RPS19BP1: variants seen among roughly 807,000 people sequenced by gnomAD.
RPS19BP1 encodes the protein active regulator of SIRT1.
A neutral mutation model predicts 16.6 loss-of-function variants in RPS19BP1; 14 were observed. The observed-to-expected ratio is 0.84, with a 90% CI of 0.56 to 1.32. The LOEUF is 1.32. Among genes scored for constraint, RPS19BP1 ranks in the 40% most tolerant of loss-of-function variants. The pLI is 0.00. For missense variants in RPS19BP1, 188 were observed against 178.6 expected (o/e 1.05, Z -0.30); for synonymous variants, 90 against 77.3 (o/e 1.16, Z -0.86).
intron 2 of RPS19BP1, chr22:39,532,057 T>G (rs1931324318): frequency 3.3e-6 from 1 of 306,446 alleles, no homozygotes; most frequent in Non-Finnish European, 6.2e-6. Context: ...CCTTCAGCTC[T>G]CGGCTGAAAT....
intron 2 of RPS19BP1, chr22:39,531,265 C>T (rs1265280316): frequency 6.6e-6 from 1 of 152,256 alleles, no homozygotes; most frequent in Non-Finnish European, 1.5e-5. Flanking sequence ...CTCCACACTC[C>T]TGCTTCATGG....
intron 1 of RPS19BP1, 57 bp downstream of exon 1, chr22:39,532,630 C>T (rs1931348063): frequency 1.3e-6 from 2 of 1,592,646 alleles, no homozygotes; most frequent in African/African-American, 2.7e-5. Flanking sequence ...GGCTCCCGCC[C>T]GCAGCCACTA....
Position 39,532,700 on chromosome 22 carries a change from C to T in RPS19BP1, c.39G>A (p.Leu13=). ...AALLRRGLEL[L]AASEAPRDPP... ...AGCCCTCCTCACCCTCGGACGCCGCCAGCAGCTCCAGGCCCCGCCGCAGCA... is the reference window on the plus strand; with the variant it reads ...AGCCCTCCTCACCCTCGGACGCCGCTAGCAGCTCCAGGCCCCGCCGCAGCA... The change falls in exon 1 of 4, where the codon CTG becomes CTA. Residue 13 remains leucine, a synonymous_variant. Coordinates refer to ENST00000334678, the MANE Select transcript of RPS19BP1 (RefSeq NM_194326.4). 1.3e-6 allele frequency: 2 copies of T among 1,543,916 alleles called. No individual in the cohort carries two copies. The highest frequency in any genetic ancestry group is 1.7e-6 in the Non-Finnish European group (2 of 1,147,582).
At chr22:39,529,776 G>A (rs1202007758) in intron 3 of RPS19BP1, 44 bp downstream of exon 3, 22 of 1,602,654 alleles carry the variant, frequency 1.4e-5, no homozygotes, top group Non-Finnish European at 1.9e-5. Flanking sequence ...GAACAGCCTC[G>A]GCTCTCACCT....
Position 39,529,603 on chromosome 22 carries a change from G to A in RPS19BP1, c.300C>T (p.Gly100=), listed in dbSNP as rs750004080. 3.1e-6 allele frequency: 5 copies of A among 1,613,994 alleles called. No individual in the cohort carries two copies. The highest frequency in any genetic ancestry group is 4.2e-6 in the Non-Finnish European group (5 of 1,180,014). Residue 100 remains glycine, a synonymous_variant, in exon 4 of 4, where the codon GGC becomes GGT. Coordinates refer to ENST00000334678, the MANE Select transcript of RPS19BP1 (RefSeq NM_194326.4). ...CCACAGGCCGGTCACAGGCCTTGCG[G>A]CCCCGGTTCTGGCGCAAAATCTGGC... is the stretch of plus-strand genomic sequence containing the variant. ...VSQQILRQNR[G]RKACDRPVAK... is the part of the protein sequence containing the mutation.
At position 39,529,248 on chromosome 22, in the gene RPS19BP1, G is replaced by C. The variant is rs967975949; in HGVS notation, c.*244C>G. 1.1e-5 allele frequency: 6 copies of C among 556,172 alleles called. No individual in the cohort carries two copies. In the Admixed American group the frequency reaches 1.6e-4, roughly 15 times the overall value. 34.5% of individuals were successfully genotyped at this position (556,172 alleles called of 1,614,324 possible). Reference sequence around the variant, plus strand: ...AAACAAAACAGATACGTTCCTTTCCGGCAGGTGCAGATGCTCTGCCCAGGC... The same window carrying C: ...AAACAAAACAGATACGTTCCTTTCCCGCAGGTGCAGATGCTCTGCCCAGGC... On this transcript the variant is annotated 3_prime_UTR_variant, in exon 4 of 4. Coordinates refer to ENST00000334678, the MANE Select transcript of RPS19BP1 (RefSeq NM_194326.4).
In RPS19BP1 at chr22:39,529,501, G is replaced by A; in HGVS notation, c.402C>T (p.Phe134=). The change falls in exon 4 of 4, where the codon TTC becomes TTT. Residue 134 remains phenylalanine, a synonymous_variant. Transcript: ENST00000334678. The stretch of plus-strand genomic sequence containing the variant: ...GTGCCCTCCAGGGAGCCTAGCTGCC[G>A]AAGTATTCCTGCTGGAACTTCTGGA... ...EDFQKFQQEY[F]GS is the part of the protein sequence containing the mutation. The A allele has an allele frequency of 6.2e-7, 1 of 1,614,192 alleles. No homozygotes were observed.
intron 2 of RPS19BP1, chr22:39,530,227 G>A (rs1931272041): frequency 5.8e-6 from 2 of 347,186 alleles, no homozygotes; most frequent in Non-Finnish European, 5.3e-6. Context: ...ACATTTCATG[G>A]AGAAAAACAA....
intron 1 of RPS19BP1, 75 bp downstream of exon 1, chr22:39,532,611 TC>T: frequency 6.2e-7 from 1 of 1,604,830 alleles, no homozygotes. Flanking sequence ...TGGATTGTTT[TC>T]CATCCAGGGC....
chr22:39,532,563 C>T (rs954251709), intron 1 of RPS19BP1, 40 bp from the exon 2 acceptor site: 3 of 1,612,014 alleles, frequency 1.9e-6, no homozygotes, highest in African/African-American at 2.7e-5. Context: ...GGTCAGAGGG[C>T]GCGCAGCGTT....
rs1028642112 is a variant in RPS19BP1, at chr22:39,532,732, C to G, written c.7G>C (p.Ala3Pro). The G allele has an allele frequency of 1.3e-6, 2 of 1,542,712 alleles. No homozygotes were observed. Among genetic ancestry groups the G allele is most frequent in the African/African-American group, 1.4e-5 (1 of 73,020 alleles). MS[A>P]ALLRRGLELL... ...TCCAGGCCCCGCCGCAGCAGGGCGG[C>G]GGACATGGCGGCGCTTGGCTCCGCC... The change falls in exon 1 of 4, where the codon GCC (alanine) becomes CCC (proline). Residue 3 changes from alanine (A) to proline (P), a missense_variant. Physicochemically the swap from Ala to Pro is conservative, Grantham distance 27. Coordinates refer to ENST00000334678, the MANE Select transcript of RPS19BP1 (RefSeq NM_194326.4).
chr22:39,532,459 C>A lies in RPS19BP1; in HGVS notation c.117G>T (p.Thr39=), dbSNP rs775145156. The stretch of plus-strand genomic sequence containing the variant: ...GCAGTTTCTGGGCCTGAATTGCCTT[C>A]GTCTTCCGGGGCCGTTTCACCGGAG... ...RGAPVKRPRK[T]KAIQAQKLRN... The change falls in exon 2 of 4, where the codon ACG becomes ACT. Residue 39 remains threonine (T), a synonymous_variant. Coordinates refer to ENST00000334678, the MANE Select transcript of RPS19BP1 (RefSeq NM_194326.4). 7.2e-5 allele frequency: 116 copies of A among 1,614,124 alleles called. No individual in the cohort carries two copies. The Middle Eastern group carries it at 9.9e-4, about 14-fold the overall frequency.
chr22:39,532,729 C>T lies in RPS19BP1; in HGVS notation c.10G>A (p.Ala4Thr), dbSNP rs1462373678. 4.5e-6 allele frequency: 7 copies of T among 1,543,976 alleles called. 1 individual carries two copies. Among genetic ancestry groups the T allele is most frequent in the South Asian group, 3.5e-5 (3 of 84,610 alleles). ...AGCTCCAGGCCCCGCCGCAGCAGGGCGGCGGACATGGCGGCGCTTGGCTCC... is the reference window on the plus strand; with the variant it reads ...AGCTCCAGGCCCCGCCGCAGCAGGGTGGCGGACATGGCGGCGCTTGGCTCC... MSA[A>T]LLRRGLELLA... The change falls in exon 1 of 4, where the codon GCC (alanine) becomes ACC (threonine). Residue 4 changes from alanine (A) to threonine (T), a missense_variant. Transcript: ENST00000334678.
chr22:39,529,772 C>G (rs1232991202), intron 3 of RPS19BP1, 48 bp downstream of exon 3: 2 of 1,602,484 alleles, frequency 1.2e-6, no homozygotes, highest in East Asian at 2.2e-5. Flanking sequence ...AGGGGAACAG[C>G]CTCGGCTCTC....
At chr22:39,531,557 T>A (rs2145772226) in intron 2 of RPS19BP1, 2 of 152,220 alleles carry the variant, frequency 1.3e-5, no homozygotes. Context: ...AATTCACCAC[T>A]AAAACCCCTC....
Position 39,529,932 on chromosome 22 carries a change from C to T in RPS19BP1, c.182-15G>A. ...CCGGTACTCGTCTGTGGGTAGCAGG[C>T]AGGGAGCACCATTTCAGATTCACTC... On this transcript the variant is annotated splice_polypyrimidine_tract_variant and intron_variant, in intron 2 of 3. Transcript: ENST00000334678. 6.2e-7 allele frequency: 1 copy of T among 1,602,968 alleles called. No individual in the cohort carries two copies. The highest frequency in any genetic ancestry group is 8.5e-7 in the Non-Finnish European group (1 of 1,169,912).
intron 2 of RPS19BP1, 39 bp from the exon 3 acceptor site, chr22:39,529,956 T>C: frequency 1.3e-6 from 2 of 1,518,726 alleles, no homozygotes; most frequent in Non-Finnish European, 9.1e-7. Context: ...TCAGATTCAC[T>C]CCCCCTGGAA....
At chr22:39,532,328 C>T in intron 2 of RPS19BP1, 67 bp downstream of exon 2, 20 of 1,608,786 alleles carry the variant, frequency 1.2e-5, no homozygotes, top group Non-Finnish European at 1.7e-5. Flanking sequence ...CTGCCTCAAG[C>T]GCCACCTCCT....
chr22:39,530,168 G>C (rs1203170314), intron 2 of RPS19BP1: 1 of 489,818 alleles, frequency 2.0e-6, no homozygotes, highest in African/African-American at 2.0e-5. Flanking sequence ...TGGAGCTTTC[G>C]CTTCAGTGAG....
Sources: gnomAD v4.1 joint callset for allele counts on GRCh38, gnomAD v4.1.1 for gene constraint, MANE v1.5 for transcripts, NCBI Gene and HGNC (gene_info 2026-07-23, HGNC 2026-07-21) for gene names.